CNGB3: variants seen among roughly 807,000 people sequenced by gnomAD.
CNGB3 encodes the protein cyclic nucleotide gated channel subunit beta 3, also known as cyclic nucleotide-gated channel beta-3.
CNGB3 carries 86 observed loss-of-function variants against 92.8 expected under a neutral mutation model. The observed-to-expected ratio is 0.93, with a 90% CI of 0.78 to 1.11. CNGB3 has a LOEUF of 1.11. CNGB3 is among the 50% of genes least tolerant of loss of function. The pLI is 0.00. For missense variants in CNGB3, 1,026 were observed against 956.8 expected, an observed-to-expected ratio of 1.07 and a Z score of -0.95; for synonymous variants, 333 against 332.7, an observed-to-expected ratio of 1.00 and a Z score of -0.01.
chr8:86,644,699 G>T lies in CNGB3; in HGVS notation c.991-13C>A. 6.7e-7 allele frequency: 1 copy of T among 1,491,860 alleles called. No homozygotes were observed. The allele number at this position is 1,491,860 out of a possible 1,614,324, so 92.4% of individuals were successfully genotyped here. A position where few individuals can be genotyped will look rare whatever the true frequency, so the allele number is the denominator to read the frequency against. On this transcript the variant is annotated splice_polypyrimidine_tract_variant and intron_variant, in intron 8 of 17. Transcript: ENST00000320005. ...AAAATGAAGTGTACTATATAGAAAAGCAAAAGAAATCCAAAAGCATGTTAG... is the reference window on the plus strand; with the variant it reads ...AAAATGAAGTGTACTATATAGAAAATCAAAAGAAATCCAAAAGCATGTTAG...
At chr8:86,701,801 G>C (rs1824562298) in intron 3 of CNGB3, among the ~76,000 whole-genome samples, 1 of 151,988 alleles carries the variant, frequency 6.6e-6, no homozygotes, top group African/African-American at 2.4e-5. Flanking sequence ...ATACTCATTT[G>C]TTACGAATTT....
chr8:86,658,182 A>T, intron 6 of CNGB3: 1 of 548,022 alleles, frequency 1.8e-6, no homozygotes, highest in Non-Finnish European at 3.4e-6. Context: ...GGTGAGCCAG[A>T]CACTGACAGC....
intron 3 of CNGB3, among the ~76,000 whole-genome samples, chr8:86,698,339 G>A (rs891289283): frequency 6.6e-6 from 1 of 152,166 alleles, no homozygotes; most frequent in East Asian, 1.9e-4. Context: ...TTGTATGAAT[G>A]TTATTATGAC....
In CNGB3 at chr8:86,730,009, T is replaced by C. The variant is rs74714055; in HGVS notation, c.212-3352A>G. On this transcript the variant is annotated intron_variant, in intron 2 of 17. Coordinates refer to ENST00000320005, the MANE Select transcript of CNGB3 (RefSeq NM_019098.5). ...CCCTGGAATGTGTACCTGTGGCAGA[T>C]AGTGAAATCTGGAATCAAAGTATTC... is the stretch of plus-strand genomic sequence containing the variant. 8.4e-3 allele frequency among the ~76,000 whole-genome samples: 1,274 copies of C among 152,312 alleles called. 16 individuals carry two copies. The highest frequency in any genetic ancestry group is 0.029 in the African/African-American group (1,207 of 41,554).
intron 10 of CNGB3, among the ~76,000 whole-genome samples, chr8:86,641,634 T>C (rs1054476832): frequency 1.0e-4 from 13 of 127,756 alleles, no homozygotes; most frequent in African/African-American, 3.1e-4. Flanking sequence ...TCCTTATTCA[T>C]TTTTTTTTCC....
intron 6 of CNGB3, 54 bp downstream of exon 6, chr8:86,666,871 C>T: frequency 7.1e-7 from 1 of 1,398,906 alleles, no homozygotes; most frequent in Non-Finnish European, 1.0e-6. Flanking sequence ...CTTTTTGTAG[C>T]CCAATTAGAT....
intron 13 of CNGB3, among the ~76,000 whole-genome samples, chr8:86,623,960 T>A (rs979106840): frequency 2.6e-5 from 4 of 152,186 alleles, no homozygotes; most frequent in African/African-American, 9.6e-5. Context: ...CCATCATCTC[T>A]TCCACAGATG....
intron 3 of CNGB3, 91 bp from the exon 4 acceptor site, chr8:86,671,189 CA>C: frequency 7.0e-7 from 1 of 1,433,732 alleles, no homozygotes; most frequent in Non-Finnish European, 9.7e-7. Flanking sequence ...CTTATATATT[CA>C]AGATTATTAA....
intron 10 of CNGB3, among the ~76,000 whole-genome samples, chr8:86,633,947 G>A (rs1041503196): frequency 1.3e-5 from 2 of 152,132 alleles, no homozygotes; most frequent in African/African-American, 2.4e-5. Flanking sequence ...ATTGTAATGG[G>A]CAACTGATCT....
chr8:86,635,979 G>A (rs1186591978), intron 10 of CNGB3, among the ~76,000 whole-genome samples: 1 of 150,410 alleles, frequency 6.6e-6, no homozygotes, highest in Non-Finnish European at 1.5e-5. Context: ...AACATAACAT[G>A]CAATTTCCCC....
At chr8:86,643,628 T>G in intron 10 of CNGB3, 123 bp downstream of exon 10, 1 of 1,043,766 alleles carries the variant, frequency 9.6e-7, no homozygotes, top group Non-Finnish European at 1.4e-6. Context: ...TATGGCCAAA[T>G]AGCATTTACC....
intron 10 of CNGB3, 21 bp downstream of exon 10, chr8:86,643,730 T>C (rs1823235922): frequency 6.2e-7 from 1 of 1,602,444 alleles, no homozygotes; most frequent in Non-Finnish European, 8.5e-7. Context: ...AATAAAGGTT[T>C]CTTTCAAAAT....
At chr8:86,626,714 T>C (rs1585977871) in intron 12 of CNGB3, among the ~76,000 whole-genome samples, 1 of 152,214 alleles carries the variant, frequency 6.6e-6, no homozygotes, top group Admixed American at 6.5e-5. Flanking sequence ...AAATTCAAAT[T>C]ATTGTTATTT....
intron 2 of CNGB3, among the ~76,000 whole-genome samples, chr8:86,729,921 T>A (rs965270812): frequency 1.3e-5 from 2 of 152,234 alleles, no homozygotes; most frequent in Admixed American, 1.3e-4. Context: ...TTTCTGCCAA[T>A]GGTGCTCTTT....
intron 15 of CNGB3, among the ~76,000 whole-genome samples, chr8:86,584,860 G>A (rs1380493674): frequency 6.6e-6 from 1 of 152,170 alleles, no homozygotes; most frequent in Admixed American, 6.5e-5. Flanking sequence ...AATCATGTAA[G>A]TATTTATTAA....
intron 13 of CNGB3, among the ~76,000 whole-genome samples, chr8:86,614,240 A>G (rs985338399): frequency 6.6e-6 from 1 of 152,052 alleles, no homozygotes; most frequent in African/African-American, 2.4e-5. Context: ...CCACCGCTCT[A>G]TGGTACAGCT....
At chr8:86,618,674 T>G (rs2131574252) in intron 13 of CNGB3, among the ~76,000 whole-genome samples, 1 of 152,322 alleles carries the variant, frequency 6.6e-6, no homozygotes. Flanking sequence ...TTCAAAATAT[T>G]TTTTAAAAGT....
At chr8:86,637,675 G>T (rs1823099457) in intron 10 of CNGB3, among the ~76,000 whole-genome samples, 2 of 151,906 alleles carry the variant, frequency 1.3e-5, no homozygotes. Context: ...ACACCCCTTT[G>T]GTTAAGTTTA....
At chr8:86,714,082 A>C (rs901581797) in intron 3 of CNGB3, among the ~76,000 whole-genome samples, 1 of 152,196 alleles carries the variant, frequency 6.6e-6, no homozygotes, top group African/African-American at 2.4e-5. Flanking sequence ...ACATTCTATG[A>C]GTTAGGACAA....
Sources: allele counts gnomAD v4.1 joint callset (sites outside exome capture counted in the v4.1 genomes callset), GRCh38; gene constraint gnomAD v4.1.1; transcripts MANE v1.5; gene names NCBI Gene and HGNC (gene_info 2026-07-23, HGNC 2026-07-21).